NF1: variants seen among roughly 807,000 people sequenced by gnomAD.
NF1 encodes neurofibromin.
NF1 carries 122 observed loss-of-function variants against 325.7 expected under a neutral mutation model. The ratio of observed to expected loss-of-function variants is 0.37; its 90% confidence interval spans 0.32 to 0.44. NF1 has a LOEUF of 0.44. NF1 is among the 20% of genes least tolerant of loss of function. The pLI is 1.00. For missense variants in NF1, 2,140 were observed against 3,415.4 expected, an observed-to-expected ratio of 0.63 and a Z score of 9.31; for synonymous variants, 1,091 against 1,186.0, an observed-to-expected ratio of 0.92 and a Z score of 1.65.
intron 8 of NF1, among the ~76,000 whole-genome samples, chr17:31,189,274 A>G (rs771799582): frequency 6.6e-6 from 1 of 152,072 alleles, no homozygotes; most frequent in South Asian, 2.1e-4. Context: ...TCTTTTTACT[A>G]TATAGATATT....
intron 1 of NF1, among the ~76,000 whole-genome samples, chr17:31,115,263 C>T (rs754686851): frequency 3.3e-5 from 5 of 152,052 alleles, no homozygotes; most frequent in Non-Finnish European, 7.4e-5. Context: ...CACAGGACAG[C>T]CCCCAAGAGT....
chr17:31,365,858 TG>T (rs201717211), intron 57 of NF1, among the ~76,000 whole-genome samples: 2,886 of 152,242 alleles, frequency 0.019, 104 homozygotes, highest in African/African-American at 0.066. Flanking sequence ...GTAATAATTA[TG>T]GCAAAAGTTT....
chr17:31,352,767 T>C (rs1323357891), intron 51 of NF1, among the ~76,000 whole-genome samples: 11 of 151,764 alleles, frequency 7.2e-5, no homozygotes, highest in South Asian at 6.2e-4. Flanking sequence ...TTTAATGATA[T>C]ACTGTAATAC....
intron 31 of NF1, chr17:31,253,240 G>T: frequency 4.3e-6 from 2 of 470,064 alleles, no homozygotes; most frequent in Non-Finnish European, 3.9e-6. Flanking sequence ...TTGTTGCATT[G>T]GATATCCTTG....
intron 1 of NF1, among the ~76,000 whole-genome samples, chr17:31,124,299 AAG>A (rs905024111): frequency 1.4e-4 from 21 of 151,824 alleles, no homozygotes; most frequent in Admixed American, 1.3e-4. Context: ...TCCTGGCCCC[AAG>A]GAATCCTCTT....
At chr17:31,323,245 A>AAAAAAC in intron 36 of NF1, among the ~76,000 whole-genome samples, 1 of 152,122 alleles carries the variant, frequency 6.6e-6, no homozygotes, top group East Asian at 1.9e-4. Context: ...AAAAAATACA[A>AAAAAAC]AAAAACAAAA....
At chr17:31,192,385 G>A (rs1303148516) in intron 8 of NF1, among the ~76,000 whole-genome samples, 6 of 152,270 alleles carry the variant, frequency 3.9e-5, no homozygotes, top group Non-Finnish European at 7.4e-5. Flanking sequence ...TTAGAAAGGC[G>A]CGACAACTCA....
At chr17:31,259,967 T>A (rs2067655262) in intron 33 of NF1, among the ~76,000 whole-genome samples, 1 of 152,142 alleles carries the variant, frequency 6.6e-6, no homozygotes, top group Non-Finnish European at 1.5e-5. Flanking sequence ...CAGCATAGGA[T>A]TCATATTCTG....
At chr17:31,296,595 C>T in intron 36 of NF1, 1 of 465,336 alleles carries the variant, frequency 2.1e-6, no homozygotes, top group Non-Finnish European at 3.9e-6. Context: ...TCTCTCCCTC[C>T]CCCCTTTTCT....
chr17:31,325,124 C>G (rs916539982), intron 36 of NF1, among the ~76,000 whole-genome samples: 1 of 152,104 alleles, frequency 6.6e-6, no homozygotes, highest in Non-Finnish European at 1.5e-5. Flanking sequence ...TATTTATTGG[C>G]TTATGTAACT....
At chr17:31,307,381 C>T (rs905799188) in intron 36 of NF1, among the ~76,000 whole-genome samples, 4 of 152,150 alleles carry the variant, frequency 2.6e-5, no homozygotes, top group Admixed American at 6.5e-5. Context: ...GAGAAGTTAA[C>T]CTAGCCTGGA....
intron 57 of NF1, among the ~76,000 whole-genome samples, chr17:31,368,294 G>C (rs545702515): frequency 8.0e-4 from 122 of 152,088 alleles, no homozygotes; most frequent in Middle Eastern, 6.8e-3. Context: ...GTTCCACCAA[G>C]CCTGGCTAAT....
intron 29 of NF1, among the ~76,000 whole-genome samples, chr17:31,241,481 T>C (rs1343140726): frequency 6.6e-6 from 1 of 152,208 alleles, no homozygotes; most frequent in Non-Finnish European, 1.5e-5. Flanking sequence ...TGATATGTGT[T>C]AATTTCTTGC....
intron 37 of NF1, 95 bp downstream of exon 37, chr17:31,326,347 G>C: frequency 7.9e-7 from 1 of 1,262,426 alleles, no homozygotes; most frequent in Non-Finnish European, 1.1e-6. Context: ...CCCTATAGTG[G>C]TGTATAAAAT....
intron 43 of NF1, 106 bp downstream of exon 43, chr17:31,337,688 G>C (rs2069712529): frequency 7.1e-7 from 1 of 1,409,246 alleles, no homozygotes; most frequent in South Asian, 1.2e-5. Flanking sequence ...TGTACTTAAT[G>C]CTTAAATAAA....
intron 1 of NF1, 100 bp downstream of exon 1, chr17:31,095,469 A>G (rs910626807): frequency 1.8e-6 from 2 of 1,123,892 alleles, no homozygotes; most frequent in African/African-American, 3.2e-5. Flanking sequence ...CGGCTGCCTC[A>G]GGCTCTGGAG....
At chr17:31,255,038 C>T (rs1334972527) in intron 31 of NF1, among the ~76,000 whole-genome samples, 2 of 152,136 alleles carry the variant, frequency 1.3e-5, no homozygotes, top group African/African-American at 4.8e-5. Flanking sequence ...GAAGATCTGG[C>T]TTCTAGTATA....
intron 36 of NF1, among the ~76,000 whole-genome samples, chr17:31,301,335 G>A (rs2068569361): frequency 6.6e-6 from 1 of 152,054 alleles, no homozygotes; most frequent in South Asian, 2.1e-4. Context: ...TTCCAATATA[G>A]TGTGAAGTAT....
chr17:31,255,322 C>G (rs1222400166), intron 31 of NF1, among the ~76,000 whole-genome samples: 1 of 151,688 alleles, frequency 6.6e-6, no homozygotes, highest in Non-Finnish European at 1.5e-5. Flanking sequence ...TGCAGAATGT[C>G]TTTTGGATCC....
Sources: allele counts gnomAD v4.1 joint callset (sites outside exome capture counted in the v4.1 genomes callset), GRCh38; gene constraint gnomAD v4.1.1; transcripts MANE v1.5; gene names NCBI Gene and HGNC (gene_info 2026-07-23, HGNC 2026-07-21).